Variants in RALGAPA2 observed in about 807,000 individuals in gnomAD.
RALGAPA2 encodes the protein Ral GTPase activating protein catalytic subunit alpha 2.
RALGAPA2 carries 139 observed loss-of-function variants against 230.4 expected under a neutral mutation model. The observed-to-expected ratio is 0.60, with a 90% CI of 0.53 to 0.69. The LOEUF (loss-of-function observed/expected upper bound fraction) is 0.69, where lower values mean the gene tolerates loss of function less well. Among genes scored for constraint, RALGAPA2 ranks in the 30% least tolerant of loss-of-function variants. RALGAPA2 has a pLI of 0.00. For synonymous variants in RALGAPA2, 847 were observed against 837.8 expected, an observed-to-expected ratio of 1.01 and a Z score of -0.19; for missense variants, 2,163 against 2,276.0, an observed-to-expected ratio of 0.95 and a Z score of 1.01.
At chr20:20,497,661 C>G (rs1449399849) in intron 35 of RALGAPA2, among the ~76,000 whole-genome samples, 1 of 152,116 alleles carries the variant, frequency 6.6e-6, no homozygotes, top group Non-Finnish European at 1.5e-5. Flanking sequence ...AGTTACTTTC[C>G]CATTTCAAAT....
chr20:20,570,030 T>C (rs1229199502), intron 23 of RALGAPA2, among the ~76,000 whole-genome samples: 1 of 152,198 alleles, frequency 6.6e-6, no homozygotes, highest in Admixed American at 6.5e-5. Flanking sequence ...AGTTGCATCA[T>C]TCTGTAAAAG....
intron 16 of RALGAPA2, 32 bp downstream of exon 16, chr20:20,601,650 G>A: frequency 6.3e-7 from 1 of 1,593,212 alleles, no homozygotes; most frequent in Middle Eastern, 1.8e-4. Flanking sequence ...ATAACAATTA[G>A]ATTTTTGAGA....
chr20:20,503,612 A>G, intron 34 of RALGAPA2, 106 bp from the exon 35 acceptor site: 1 of 942,136 alleles, frequency 1.1e-6, no homozygotes, highest in East Asian at 3.3e-5. Flanking sequence ...TCGTTTTTAT[A>G]TCTTTCTTTC....
At chr20:20,679,173 C>G (rs2068438757) in intron 2 of RALGAPA2, among the ~76,000 whole-genome samples, 1 of 152,134 alleles carries the variant, frequency 6.6e-6, no homozygotes, top group African/African-American at 2.4e-5. Context: ...ATCCCCCATG[C>G]ACCTCAAACA....
At position 20,472,939 on chromosome 20, in the gene RALGAPA2, A is replaced by T. The variant is rs2061572392; in HGVS notation, c.5385T>A (p.Pro1795=). 2 of 1,595,602 alleles carry T rather than the reference A, an allele frequency of 1.3e-6. No individual in the cohort carries two copies. Among genetic ancestry groups the T allele is most frequent in the Non-Finnish European group, 1.7e-6 (2 of 1,175,210 alleles). The part of the protein sequence containing the change: ...TKKPEVPFFG[P]LFDGAIVSGK... ...CACTCACTATGGCTCCATCAAACAG[A>T]GGCCCAAAAAATGGAACCTGTTGAT... is the stretch of plus-strand genomic sequence containing the variant. The change falls in exon 37 of 40, where the codon CCT becomes CCA. Residue 1795 remains proline (P), a synonymous_variant. Transcript: ENST00000202677.
chr20:20,680,624 C>T, intron 2 of RALGAPA2, 67 bp downstream of exon 2: 1 of 1,447,386 alleles, frequency 6.9e-7, no homozygotes, highest in South Asian at 1.5e-5. Flanking sequence ...TAATTTGTGG[C>T]TCATGATATA....
intron 37 of RALGAPA2, among the ~76,000 whole-genome samples, chr20:20,441,915 T>C (rs1057306482): frequency 5.3e-5 from 8 of 152,236 alleles, no homozygotes; most frequent in East Asian, 1.9e-4. Flanking sequence ...AGAAATTCTA[T>C]TGGATTTCAC....
intron 3 of RALGAPA2, among the ~76,000 whole-genome samples, chr20:20,655,718 C>A (rs1269767871): frequency 1.3e-5 from 2 of 152,066 alleles, no homozygotes; most frequent in Admixed American, 1.3e-4. Flanking sequence ...GAGGTAGACA[C>A]AGTCACTAAA....
intron 23 of RALGAPA2, among the ~76,000 whole-genome samples, chr20:20,556,469 C>G (rs951346339): frequency 1.3e-5 from 2 of 152,194 alleles, no homozygotes; most frequent in South Asian, 4.1e-4. Flanking sequence ...ACCAGCTGCA[C>G]CAATAGTGCC....
intron 36 of RALGAPA2, among the ~76,000 whole-genome samples, chr20:20,488,756 T>C (rs2061976676): frequency 6.6e-6 from 1 of 152,164 alleles, no homozygotes; most frequent in South Asian, 2.1e-4. Flanking sequence ...CCCATTGCTA[T>C]AAGAGTCTCA....
Position 20,535,727 on chromosome 20 carries a change from C to G in RALGAPA2, c.3473+18G>C. Reference sequence around the variant, plus strand: ...ATCTTAAAATTCTAAAATAGTTTACCTCTTATTCAACATTTACCTTGCATA... The same window carrying G: ...ATCTTAAAATTCTAAAATAGTTTACGTCTTATTCAACATTTACCTTGCATA... On this transcript the variant is annotated intron_variant, in intron 26 of 39. Coordinates refer to ENST00000202677, the MANE Select transcript of RALGAPA2 (RefSeq NM_020343.4). The G allele has an allele frequency of 6.5e-7, 1 of 1,541,294 alleles. No individual in the cohort carries two copies. The highest frequency in any genetic ancestry group is 8.7e-7 in the Non-Finnish European group (1 of 1,143,310).
At chr20:20,473,851 A>C (rs1415197126) in intron 36 of RALGAPA2, among the ~76,000 whole-genome samples, 1 of 151,852 alleles carries the variant, frequency 6.6e-6, no homozygotes, top group Non-Finnish European at 1.5e-5. Flanking sequence ...AGATCATGTA[A>C]CTCTTATATT....
intron 36 of RALGAPA2, among the ~76,000 whole-genome samples, chr20:20,477,642 G>A (rs1187468369): frequency 6.6e-6 from 1 of 152,134 alleles, no homozygotes; most frequent in African/African-American, 2.4e-5. Context: ...CTAGAGTGCA[G>A]TGGCTCAATC....
At position 20,639,794 on chromosome 20, in the gene RALGAPA2, C is replaced by T; in HGVS notation, c.657G>A (p.Met219Ile). The T allele has an allele frequency of 6.2e-7, 1 of 1,603,758 alleles. No homozygotes were observed. Among genetic ancestry groups the T allele is most frequent in the Non-Finnish European group, 8.5e-7 (1 of 1,170,708 alleles). ...CFFLQILLKY[M>I]VIQAASLEWK... The stretch of plus-strand genomic sequence containing the variant: ...ATAATTTTTCTCTGACCTGAATAAC[C>T]ATATACTTCAACAGTATTTGAAGAA... The change falls in exon 7 of 40, where the codon ATG (methionine) becomes ATA (isoleucine). Residue 219 changes from methionine to isoleucine, a missense_variant. Met to Ile is a conservative substitution (Grantham distance 10). Transcript: ENST00000202677.
intron 36 of RALGAPA2, 41 bp from the exon 37 acceptor site, chr20:20,472,997 A>G: frequency 6.4e-7 from 1 of 1,570,180 alleles, no homozygotes; most frequent in Non-Finnish European, 8.7e-7. Flanking sequence ...AAAAACTGAT[A>G]AAAGTCAAAT....
chr20:20,534,567 TAGA>T (rs998022849), intron 26 of RALGAPA2, among the ~76,000 whole-genome samples: 8 of 148,730 alleles, frequency 5.4e-5, no homozygotes, highest in East Asian at 2.0e-4. Flanking sequence ...AAAAAAAAAG[TAGA>T]AGAAGAAGAA....
intron 4 of RALGAPA2, among the ~76,000 whole-genome samples, chr20:20,648,386 C>T (rs531572340): frequency 3.3e-5 from 5 of 151,184 alleles, no homozygotes; most frequent in African/African-American, 9.7e-5. Context: ...CCAAGGGGGA[C>T]GAGGAAACTT....
intron 36 of RALGAPA2, among the ~76,000 whole-genome samples, chr20:20,492,810 A>G (rs1192008964): frequency 6.6e-6 from 1 of 152,214 alleles, no homozygotes; most frequent in Non-Finnish European, 1.5e-5. Context: ...TTTGTTGAGC[A>G]AAGACTGCAT....
chr20:20,452,684 C>T (rs1426206478), intron 37 of RALGAPA2, among the ~76,000 whole-genome samples: 2 of 152,200 alleles, frequency 1.3e-5, no homozygotes, highest in Admixed American at 6.5e-5. Flanking sequence ...CAATGTCGGC[C>T]GGCATGTTCC....
Sources: allele counts gnomAD v4.1 joint callset (sites outside exome capture counted in the v4.1 genomes callset), GRCh38; gene constraint gnomAD v4.1.1; transcripts MANE v1.5; gene names NCBI Gene and HGNC (gene_info 2026-07-23, HGNC 2026-07-21).